Variants in COL5A3 observed in about 807,000 individuals in gnomAD.
The protein encoded by COL5A3 is collagen type V alpha 3 chain.
Under a neutral mutation model 250.0 loss-of-function variants are expected in COL5A3, and 172 were observed. The observed-to-expected ratio is 0.69, with a 90% CI of 0.61 to 0.78. The LOEUF (loss-of-function observed/expected upper bound fraction) is 0.78. Ranked by LOEUF, COL5A3 falls within the 30% of genes least tolerant of loss-of-function variation. The probability of loss-of-function intolerance (pLI) is 0.00; values close to 1 mark genes in which losing one functional copy is unlikely to be tolerated. For synonymous variants in COL5A3, 937 were observed against 900.4 expected, an observed-to-expected ratio of 1.04 and a Z score of -0.73; for missense variants, 2,340 against 2,334.4, an observed-to-expected ratio of 1.00 and a Z score of -0.05.
chr19:9,964,025 G>T (rs2086706610), intron 64 of COL5A3, among the ~76,000 whole-genome samples: 1 of 152,030 alleles, frequency 6.6e-6, no homozygotes, highest in Non-Finnish European at 1.5e-5. Flanking sequence ...AATACAAAAT[G>T]AGCCAGGTGT....
intron 30 of COL5A3, 101 bp downstream of exon 30, chr19:9,986,214 C>T: frequency 1.2e-6 from 1 of 806,034 alleles, no homozygotes; most frequent in Non-Finnish European, 2.0e-6. Context: ...AGGTTGGTAG[C>T]AACCTCCTGA....
chr19:9,966,493 C>A (rs1163204133), intron 63 of COL5A3, 43 bp downstream of exon 63: 7 of 1,556,438 alleles, frequency 4.5e-6, no homozygotes, highest in Non-Finnish European at 6.1e-6. Context: ...CCCCCCCACA[C>A]CCCCACTCCG....
At chr19:9,971,942 C>A (rs2086854022) in intron 51 of COL5A3, among the ~76,000 whole-genome samples, 2 of 151,404 alleles carry the variant, frequency 1.3e-5, no homozygotes, top group Admixed American at 1.3e-4. Flanking sequence ...TGATGTATAA[C>A]CACTGCACGT....
In COL5A3 at chr19:10,009,101, A is replaced by G. The variant is rs542248238; in HGVS notation, c.88+1197T>C. ...GAGCGTGGGAATGCGGCATAGTCCAATCAGGGATTAACCATATGGACAGGC... is the reference window on the plus strand; with the variant it reads ...GAGCGTGGGAATGCGGCATAGTCCAGTCAGGGATTAACCATATGGACAGGC... On this transcript the variant is annotated intron_variant, in intron 1 of 66. Transcript: ENST00000264828. The surrounding 1 kb of genome is among the most constrained non-coding windows in gnomAD (Gnocchi z 4.4). 1.4e-3 allele frequency among the ~76,000 whole-genome samples: 208 copies of G among 151,950 alleles called. 2 individuals carry two copies. The highest frequency in any genetic ancestry group is 2.5e-3 in the Non-Finnish European group (170 of 67,982).
In COL5A3 at chr19:9,989,185, G is replaced by A. The variant is rs559146365; in HGVS notation, c.2092-8C>T. On this transcript the variant is annotated splice_region_variant and splice_polypyrimidine_tract_variant and intron_variant, in intron 26 of 66. Coordinates refer to ENST00000264828, the MANE Select transcript of COL5A3 (RefSeq NM_015719.4). Reference sequence around the variant, plus strand: ...TGCCGACCCTGGTGGACCCTGGGAGGAAAATAAGGTCAGTGCCATTCTAGA... The same window carrying A: ...TGCCGACCCTGGTGGACCCTGGGAGAAAAATAAGGTCAGTGCCATTCTAGA... The A allele has an allele frequency of 1.2e-6, 2 of 1,614,110 alleles. No homozygotes were observed. The highest frequency in any genetic ancestry group is 1.1e-5 in the South Asian group (1 of 91,076).
At chr19:9,997,202 A>G (rs1370899963) in intron 11 of COL5A3, 169 bp downstream of exon 11, 17 of 662,838 alleles carry the variant, frequency 2.6e-5, no homozygotes, top group Non-Finnish European at 4.3e-5. Context: ...ACACAAGGTG[A>G]ACCAGAGAAA....
chr19:9,962,158 G>A (rs2086683562), intron 65 of COL5A3, among the ~76,000 whole-genome samples: 1 of 151,622 alleles, frequency 6.6e-6, no homozygotes, highest in African/African-American at 2.4e-5. Context: ...CCAGGCTGGA[G>A]TGCAGTGGCA....
chr19:9,998,078 C>T (rs2087298534), intron 9 of COL5A3, 24 bp downstream of exon 9: 3 of 1,613,968 alleles, frequency 1.9e-6, no homozygotes, highest in South Asian at 2.2e-5. Context: ...GCCTCTCAAC[C>T]CCCTCACAAT....
intron 37 of COL5A3, 120 bp from the exon 38 acceptor site, chr19:9,979,537 C>A: frequency 1.8e-6 from 2 of 1,090,648 alleles, no homozygotes; most frequent in Non-Finnish European, 2.7e-6. Flanking sequence ...CGCCTGTAAT[C>A]CCAGCACTTT....
In COL5A3 at chr19:9,995,632, A is replaced by AT; in HGVS notation, c.1534-16_1534-15insA. On this transcript the variant is annotated splice_polypyrimidine_tract_variant and intron_variant, in intron 15 of 66. Transcript: ENST00000264828. ...CCTCGGGGACCCTAGAAGAAAGCAA[A>AT]AAGGAGGAAGGAAAGGAAAATAAGA... is the stretch of plus-strand genomic sequence containing the variant. 6.4e-7 allele frequency: 1 copy of AT among 1,565,228 alleles called. No individual in the cohort carries two copies. Among genetic ancestry groups the AT allele is most frequent in the Non-Finnish European group, 8.7e-7 (1 of 1,155,304 alleles).
chr19:9,999,469 C>CTTTTTT lies in COL5A3; in HGVS notation c.1111-1326_1111-1321dup, dbSNP rs530527039. Among the ~76,000 whole-genome samples, 198 of 120,394 alleles carry CTTTTTT rather than the reference C, an allele frequency of 1.6e-3. 5 individuals carry two copies. Among genetic ancestry groups the CTTTTTT allele is most frequent in the African/African-American group, 6.3e-3 (184 of 29,240 alleles). The allele number at this position is 120,394 out of a possible 152,430, so 79.0% of individuals were successfully genotyped here. On this transcript the variant is annotated intron_variant, in intron 8 of 66. Coordinates refer to ENST00000264828, the MANE Select transcript of COL5A3 (RefSeq NM_015719.4). ...TTTTTCTTTTCTTTTTTTCTTTTTT[C>CTTTTTT]TTTTTTTTTTTTTTTTGAGACAGAG...
chr19:9,972,304 TTCAC>T (rs2086860744), intron 51 of COL5A3, among the ~76,000 whole-genome samples: 7 of 151,672 alleles, frequency 4.6e-5, no homozygotes, highest in African/African-American at 1.7e-4. Context: ...CATCCATTCA[TTCAC>T]TCGTTCATCC....
rs1463978455 is a variant in COL5A3, at chr19:9,992,888, G to A, written c.1795-8C>T. 5.0e-6 allele frequency: 8 copies of A among 1,613,814 alleles called. No individual in the cohort carries two copies. Among genetic ancestry groups the A allele is most frequent in the Non-Finnish European group, 6.8e-6 (8 of 1,179,758 alleles). Reference sequence around the variant, plus strand: ...AAGCAGTCCTCGTGGACCCTGCAAGGGAGCAGGCGAATTATTTCCACATCA... The same window carrying A: ...AAGCAGTCCTCGTGGACCCTGCAAGAGAGCAGGCGAATTATTTCCACATCA... On this transcript the variant is annotated splice_polypyrimidine_tract_variant and splice_region_variant and intron_variant, in intron 20 of 66. Coordinates refer to ENST00000264828, the MANE Select transcript of COL5A3 (RefSeq NM_015719.4).
Position 9,970,676 on chromosome 19 carries a change from C to A in COL5A3, c.3883-1G>T. On this transcript the variant is annotated splice_acceptor_variant, in intron 53 of 66. Transcript: ENST00000264828. LOFTEE classifies it high-confidence loss of function. ...GCTCCCCAGAAGCTCCAGGCGGACC[C>A]TGGAGGAGACAAGGACACCAGCTGT... 1 of 1,437,296 alleles carries A rather than the reference C, an allele frequency of 7.0e-7. No individual in the cohort carries two copies. Among genetic ancestry groups the A allele is most frequent in the Non-Finnish European group, 9.1e-7 (1 of 1,095,580 alleles). 89.0% of individuals were successfully genotyped at this position (1,437,296 alleles called of 1,614,324 possible). A position where few individuals can be genotyped will look rare whatever the true frequency, so the allele number is the denominator to read the frequency against.
intron 52 of COL5A3, 46 bp from the exon 53 acceptor site, chr19:9,971,074 G>A (rs2086839249): frequency 6.8e-7 from 1 of 1,476,100 alleles, no homozygotes; most frequent in Non-Finnish European, 9.0e-7. Context: ...GAGGGTACGT[G>A]AGAATTTGGG....
rs2087396123 is a variant in COL5A3 at position 10,003,680 on chromosome 19, C to T, written c.734G>A (p.Arg245Gln). The T allele has an allele frequency of 3.7e-6, 6 of 1,613,998 alleles. No individual in the cohort carries two copies. In the South Asian group the frequency reaches 4.4e-5, roughly 12 times the overall value. Reference sequence around the variant, plus strand: ...CCTCCCTTTTCCCTTCCCCTTCCGCCGAGGACGAGGGGTTTCTGGTTCACC... The same window carrying T: ...CCTCCCTTTTCCCTTCCCCTTCCGCTGAGGACGAGGGGTTTCTGGTTCACC... ...PQGEPETPRP[R>Q]RKGKGKGRKK... is the part of the protein sequence containing the mutation. Residue 245 changes from arginine (R) to glutamine (Q), a missense_variant, in exon 6 of 67, where the codon CGG (arginine) becomes CAG (glutamine). Arg to Gln is a conservative substitution (Grantham distance 43). Around this residue, in one of 3 missense-constraint regions of COL5A3, gnomAD observed 1,152 missense variants for 1,146.3 expected, o/e 1.00. Transcript: ENST00000264828.
rs772913946 is a variant in COL5A3, at chr19:9,998,097, C to G, written c.1158+5G>C. The G allele has an allele frequency of 6.2e-7, 1 of 1,614,030 alleles. No homozygotes were observed. Among genetic ancestry groups the G allele is most frequent in the South Asian group, 1.1e-5 (1 of 91,040 alleles). On this transcript the variant is annotated splice_donor_5th_base_variant and intron_variant, in intron 9 of 66. Coordinates refer to ENST00000264828, the MANE Select transcript of COL5A3 (RefSeq NM_015719.4). ...CTCAACCCCCTCACAATCCAGACCC[C>G]TCACCTTTTCAATCACTGCGGGCTC... is the stretch of plus-strand genomic sequence containing the variant.
chr19:10,001,444 G>A lies in COL5A3; in HGVS notation c.1110+80C>T, dbSNP rs924739531. 2.2e-5 allele frequency: 32 copies of A among 1,447,464 alleles called. No individual in the cohort carries two copies. The Middle Eastern group carries it at 7.6e-4, about 35-fold the overall frequency. The allele number at this position is 1,447,464 out of a possible 1,614,324, so 89.7% of individuals were successfully genotyped here. Reference sequence around the variant, plus strand: ...TTACAGGCGGGAGCCACTGCGCCCTGCCTAAATAAATAAATTTTAAAAAAA... The same window carrying A: ...TTACAGGCGGGAGCCACTGCGCCCTACCTAAATAAATAAATTTTAAAAAAA... On this transcript the variant is annotated intron_variant, in intron 8 of 66. Coordinates refer to ENST00000264828, the MANE Select transcript of COL5A3 (RefSeq NM_015719.4).
rs773798077 is a variant in COL5A3, at chr19:9,973,031, A to G, written c.3667-5T>C. The G allele has an allele frequency of 1.2e-6, 2 of 1,602,118 alleles. No individual in the cohort carries two copies. The highest frequency in any genetic ancestry group is 1.7e-5 in the Admixed American group (1 of 58,418). On this transcript the variant is annotated splice_polypyrimidine_tract_variant and splice_region_variant and intron_variant, in intron 50 of 66. Transcript: ENST00000264828. ...ACCAATGTCTCCCTTGGGCCCCTTT[A>G]CAGAAAGAGGTCAGAGGTCAGAGTG...
Sources: allele counts gnomAD v4.1 joint callset (sites outside exome capture counted in the v4.1 genomes callset), GRCh38; gene constraint gnomAD v4.1.1; regional missense constraint gnomAD v4.1.1; non-coding constraint Gnocchi (gnomAD v3.1); transcripts MANE v1.5; gene names NCBI Gene and HGNC (gene_info 2026-07-23, HGNC 2026-07-21).